The following GRIK4 variants were observed in gnomAD, a reference collection of about 807,000 sequenced individuals.
GRIK4 encodes the protein glutamate ionotropic receptor kainate type subunit 4.
GRIK4 carries 40 observed loss-of-function variants against 104.9 expected under a neutral mutation model. That is an observed-to-expected ratio of 0.38 (90% CI 0.30 to 0.50). The LOEUF (loss-of-function observed/expected upper bound fraction) is 0.50. GRIK4 is among the 20% of genes least tolerant of loss of function. The probability of loss-of-function intolerance (pLI) is 0.93; values close to 1 mark genes in which losing one functional copy is unlikely to be tolerated. For synonymous variants in GRIK4, 485 were observed against 524.9 expected (o/e 0.92, Z 1.04); for missense variants, 1,047 against 1,308.1 (o/e 0.80, Z 3.08).
intron 12 of GRIK4, among the ~76,000 whole-genome samples, chr11:120,900,071 CTG>C (rs1942691072): frequency 1.3e-5 from 2 of 152,152 alleles, no homozygotes; most frequent in Admixed American, 1.3e-4. Context: ...ACACCTAGGA[CTG>C]TGGGGTTTCA....
At chr11:120,820,034 C>T (rs1953069062) in intron 6 of GRIK4, 114 bp downstream of exon 6, 3 of 948,798 alleles carry the variant, frequency 3.2e-6, no homozygotes, top group African/African-American at 1.6e-5. Context: ...CCTTCAGATC[C>T]ACAGGGCTGA....
intron 17 of GRIK4, among the ~76,000 whole-genome samples, chr11:120,961,586 G>A (rs1435057368): frequency 6.6e-6 from 1 of 152,136 alleles, no homozygotes; most frequent in Non-Finnish European, 1.5e-5. Context: ...GACTTGATAG[G>A]TATCAGATAG....
At position 120,733,200 on chromosome 11, in the gene GRIK4, A is replaced by G. The variant is rs563435167; in HGVS notation, c.83-69493A>G. On this transcript the variant is annotated intron_variant, in intron 3 of 20. Transcript: ENST00000527524. ...TTCCATTGGCATGAAATATCAGTCT[A>G]TGTGTATCTTTATAGGTGAAGTGTG... Among the ~76,000 whole-genome samples the G allele has an allele frequency of 1.6e-4, 24 of 152,198 alleles. No homozygotes were observed. In the East Asian group the frequency reaches 1.7e-3, roughly 11 times the overall value.
intron 1 of GRIK4, among the ~76,000 whole-genome samples, chr11:120,604,150 C>T (rs180784392): frequency 0.024 from 2,968 of 122,812 alleles, 47 homozygotes; most frequent in Non-Finnish European, 0.03. Flanking sequence ...CCAGCCTGGG[C>T]GACAGAGCGA....
intron 3 of GRIK4, among the ~76,000 whole-genome samples, chr11:120,681,305 G>C (rs973697863): frequency 6.6e-6 from 1 of 151,962 alleles, no homozygotes; most frequent in Non-Finnish European, 1.5e-5. Context: ...TGGGCTCTGA[G>C]ACTGTGGAAT....
In GRIK4 at chr11:120,910,960, G is replaced by A. The variant is rs116784192; in HGVS notation, c.1476+5467G>A. ...GAACATGCCAGTGAGGAGAGAGTACGAGAGCCAAGTCATGGGGCCATGAAG... is the reference window on the plus strand; with the variant it reads ...GAACATGCCAGTGAGGAGAGAGTACAAGAGCCAAGTCATGGGGCCATGAAG... On this transcript the variant is annotated intron_variant, in intron 13 of 20. Coordinates refer to ENST00000527524, the MANE Select transcript of GRIK4 (RefSeq NM_014619.5). Among the ~76,000 whole-genome samples the A allele has an allele frequency of 7.3e-3, 1,114 of 152,270 alleles. 10 individuals are homozygous for A. The highest frequency in any genetic ancestry group is 0.025 in the African/African-American group (1,037 of 41,544).
intron 2 of GRIK4, among the ~76,000 whole-genome samples, chr11:120,654,245 A>T (rs1949664654): frequency 6.6e-6 from 1 of 152,172 alleles, no homozygotes; most frequent in African/African-American, 2.4e-5. Context: ...TTGTTGCGTG[A>T]GCTTGGATAA....
At chr11:120,755,256 G>C (rs1163921312) in intron 3 of GRIK4, among the ~76,000 whole-genome samples, 1 of 152,114 alleles carries the variant, frequency 6.6e-6, no homozygotes, top group Non-Finnish European at 1.5e-5. Flanking sequence ...GGAGCCAAGG[G>C]CCTGAGCGCT....
Position 120,596,357 on chromosome 11 carries a change from A to C in GRIK4, c.-158-57328A>C, listed in dbSNP as rs1158069647. ...AGACAGGTCTATTAACCAGTAAAAAAAATGCAACGTGATGAGTGTGGGAAA... is the reference window on the plus strand; with the variant it reads ...AGACAGGTCTATTAACCAGTAAAAACAATGCAACGTGATGAGTGTGGGAAA... On this transcript the variant is annotated intron_variant, in intron 1 of 20. Coordinates refer to ENST00000527524, the MANE Select transcript of GRIK4 (RefSeq NM_014619.5). Among the ~76,000 whole-genome samples, 3 of 152,254 alleles carry C rather than the reference A, an allele frequency of 2.0e-5. No individual in the cohort carries two copies. The East Asian group carries it at 5.8e-4, about 29-fold the overall frequency.
chr11:120,576,029 T>C (rs1054998754), intron 1 of GRIK4: 1 of 152,152 alleles, frequency 6.6e-6, no homozygotes. Context: ...CCCTTTTATT[T>C]TCTGGGAGGC....
chr11:120,824,759 A>C (rs1049845271), intron 6 of GRIK4, among the ~76,000 whole-genome samples: 20 of 152,068 alleles, frequency 1.3e-4, no homozygotes, highest in African/African-American at 4.6e-4. Context: ...CATGTTGGCC[A>C]GGCTGGTCTC....
intron 12 of GRIK4, among the ~76,000 whole-genome samples, chr11:120,901,236 T>C (rs991088871): frequency 6.6e-6 from 1 of 152,058 alleles, no homozygotes; most frequent in African/African-American, 2.4e-5. Context: ...ACATAACCCT[T>C]GTAACCAGGC....
intron 11 of GRIK4, among the ~76,000 whole-genome samples, chr11:120,889,663 G>C (rs539905436): frequency 8.0e-5 from 10 of 125,324 alleles, no homozygotes; most frequent in Non-Finnish European, 1.1e-4. Flanking sequence ...GGAGTGCAAT[G>C]GTATGATCTC....
At chr11:120,757,634 T>A (rs914466250) in intron 3 of GRIK4, among the ~76,000 whole-genome samples, 1 of 152,294 alleles carries the variant, frequency 6.6e-6, no homozygotes, top group South Asian at 2.1e-4. Context: ...CCCTATATTT[T>A]ATTTTTTTGG....
In GRIK4 at chr11:120,819,824, CT is replaced by C; in HGVS notation, c.416del (p.Leu139ProfsTer12). On this transcript the variant is annotated frameshift_variant, in exon 6 of 21. Coordinates refer to ENST00000527524, the MANE Select transcript of GRIK4 (RefSeq NM_014619.5). LOFTEE classifies it high-confidence loss of function. The surrounding 1 kb of genome is among the most constrained non-coding windows in gnomAD (Gnocchi z 4.3). ...FQFQRFTTLN[L>X]HPSNTDISVA... ...GTTCCAGAGATTCACAACCCTGAAC[CT>C]CCACCCCAGCAACACTGACATCAGC... 1 of 1,614,116 alleles carries C rather than the reference CT, an allele frequency of 6.2e-7. No homozygotes were observed. The highest frequency in any genetic ancestry group is 1.1e-5 in the South Asian group (1 of 91,080).
intron 1 of GRIK4, among the ~76,000 whole-genome samples, chr11:120,630,118 T>A (rs554598834): frequency 4.6e-5 from 7 of 152,134 alleles, no homozygotes; most frequent in Non-Finnish European, 1.0e-4. Context: ...CTGGAAGGGT[T>A]TCCTCTCTTC....
intron 13 of GRIK4, among the ~76,000 whole-genome samples, chr11:120,918,640 A>C (rs1185924386): frequency 1.3e-5 from 2 of 152,128 alleles, no homozygotes. Context: ...TGTGCCCACT[A>C]AGTCTGCTCA....
Position 120,986,294 on chromosome 11 carries a change from G to A in GRIK4, c.*34G>A, listed in dbSNP as rs1944751476. Reference sequence around the variant, plus strand: ...GCCACAGGACGCGCAGAGGCCGGGCGGGGCGGGAGGGGAGGGGCGGGGCGG... The same window carrying A: ...GCCACAGGACGCGCAGAGGCCGGGCAGGGCGGGAGGGGAGGGGCGGGGCGG... On this transcript the variant is annotated 3_prime_UTR_variant, in exon 21 of 21. Transcript: ENST00000527524. 3 of 1,022,688 alleles carry A rather than the reference G, an allele frequency of 2.9e-6. No homozygotes were observed. The highest frequency in any genetic ancestry group is 2.7e-6 in the Non-Finnish European group (2 of 745,340). 63.4% of individuals were successfully genotyped at this position (1,022,688 alleles called of 1,614,324 possible).
At chr11:120,664,369 C>T (rs1949868691) in intron 3 of GRIK4, among the ~76,000 whole-genome samples, 1 of 152,196 alleles carries the variant, frequency 6.6e-6, no homozygotes, top group Non-Finnish European at 1.5e-5. Context: ...ATTAACTCAA[C>T]AAATATTTAT....
Sources: gnomAD v4.1 joint callset for allele counts (sites outside exome capture counted in the v4.1 genomes callset) on GRCh38, gnomAD v4.1.1 for gene constraint, Gnocchi (gnomAD v3.1) non-coding constraint, MANE v1.5 for transcripts, NCBI Gene and HGNC (gene_info 2026-07-23, HGNC 2026-07-21) for gene names.